SEMA3E: variants seen among roughly 807,000 people sequenced by gnomAD.
SEMA3E encodes semaphorin-3E.
A neutral mutation model predicts 93.6 loss-of-function variants in SEMA3E; 49 were observed. The observed-to-expected ratio is 0.52, with a 90% CI of 0.42 to 0.66. SEMA3E has a LOEUF of 0.66. Ranked by LOEUF, SEMA3E falls within the 30% of genes least tolerant of loss-of-function variation. The probability of loss-of-function intolerance (pLI) is 0.00; values close to 1 mark genes in which losing one functional copy is unlikely to be tolerated. For synonymous variants in SEMA3E, 363 were observed against 330.7 expected, an observed-to-expected ratio of 1.10 and a Z score of -1.06; for missense variants, 906 against 964.8, an observed-to-expected ratio of 0.94 and a Z score of 0.81.
chr7:83,558,269 T>C (rs1468621), intron 1 of SEMA3E, among the ~76,000 whole-genome samples: 18,116 of 152,252 alleles, frequency 0.12, 1,185 homozygotes, highest in East Asian at 0.2. Flanking sequence ...GCCACATTGC[T>C]GTGAGCAATG....
At chr7:83,500,714 T>C (rs947341994) in intron 1 of SEMA3E, among the ~76,000 whole-genome samples, 4 of 147,466 alleles carry the variant, frequency 2.7e-5, no homozygotes, top group Non-Finnish European at 6.0e-5. Context: ...TGCCTCAGCC[T>C]CCCAAGTAGC....
intron 16 of SEMA3E, among the ~76,000 whole-genome samples, chr7:83,370,493 C>G (rs1203909745): frequency 6.6e-6 from 1 of 152,104 alleles, no homozygotes; most frequent in Middle Eastern, 3.2e-3. Flanking sequence ...ATGTTAAATT[C>G]TCATACCTTA....
chr7:83,479,338 T>C (rs945301114), intron 2 of SEMA3E, among the ~76,000 whole-genome samples: 1 of 152,234 alleles, frequency 6.6e-6, no homozygotes, highest in Admixed American at 6.5e-5. Flanking sequence ...ACCTTTATTG[T>C]CTATTCAAAT....
intron 1 of SEMA3E, among the ~76,000 whole-genome samples, chr7:83,568,671 A>G (rs1239691947): frequency 6.6e-6 from 1 of 152,178 alleles, no homozygotes; most frequent in Non-Finnish European, 1.5e-5. Context: ...AAGATTCAAC[A>G]TTTCTTTGTG....
intron 1 of SEMA3E, among the ~76,000 whole-genome samples, chr7:83,549,069 A>G (rs1397160493): frequency 6.6e-6 from 1 of 152,100 alleles, no homozygotes; most frequent in African/African-American, 2.4e-5. Context: ...CAAAACAGAA[A>G]CTAATATCTC....
chr7:83,531,475 C>T (rs1380261510), intron 1 of SEMA3E, among the ~76,000 whole-genome samples: 1 of 148,730 alleles, frequency 6.7e-6, no homozygotes, highest in Non-Finnish European at 1.5e-5. Flanking sequence ...GCCTCTGGTT[C>T]CAGAGTAGCT....
chr7:83,549,281 C>T (rs951598587), intron 1 of SEMA3E, among the ~76,000 whole-genome samples: 5 of 152,108 alleles, frequency 3.3e-5, no homozygotes, highest in African/African-American at 1.2e-4. Context: ...CTACTCTTAT[C>T]TCTATTCAAG....
At chr7:83,549,791 A>T (rs1370775086) in intron 1 of SEMA3E, among the ~76,000 whole-genome samples, 2 of 151,866 alleles carry the variant, frequency 1.3e-5, no homozygotes, top group Non-Finnish European at 2.9e-5. Context: ...GTGCTTTTTC[A>T]TTTTTCCATA....
At chr7:83,519,440 C>A (rs1791000942) in intron 1 of SEMA3E, among the ~76,000 whole-genome samples, 2 of 152,126 alleles carry the variant, frequency 1.3e-5, no homozygotes, top group Admixed American at 6.6e-5. Context: ...GCTTCATTCT[C>A]TAGCATACTG....
In SEMA3E at chr7:83,648,569, C is replaced by T. The variant is rs749661816; in HGVS notation, c.-27G>A. On this transcript the variant is annotated 5_prime_UTR_variant, in exon 1 of 17. Transcript: ENST00000643230. ...CTGCCGTGTTCACCGTCCAAGCCCT[C>T]GCTCCTCACTTTAAGGAGGGTCTGA... is the stretch of plus-strand genomic sequence containing the variant. The T allele has an allele frequency of 1.6e-5, 25 of 1,556,328 alleles. No homozygotes were observed. Among genetic ancestry groups the T allele is most frequent in the Non-Finnish European group, 2.2e-5 (25 of 1,128,404 alleles).
chr7:83,454,271 A>AT (rs1789432658), intron 4 of SEMA3E, among the ~76,000 whole-genome samples: 229 of 102,730 alleles, frequency 2.2e-3, no homozygotes, highest in African/African-American at 8.2e-3. Flanking sequence ...AAAAAAAAAA[A>AT]AATATATATA....
At chr7:83,570,258 A>T (rs914346278) in intron 1 of SEMA3E, among the ~76,000 whole-genome samples, 8 of 152,188 alleles carry the variant, frequency 5.3e-5, no homozygotes, top group African/African-American at 1.7e-4. Context: ...AAATACCTTC[A>T]TCAAGAAGTT....
chr7:83,365,506 A>G lies in SEMA3E; in HGVS notation c.*2080T>C, dbSNP rs1794653589. ...ATGTAAAATGTTTCTTTTCTGGTTA[A>G]TAGTCACTTTATTTTAATCAAACGC... On this transcript the variant is annotated 3_prime_UTR_variant, in exon 17 of 17. Transcript: ENST00000643230. 1 of 152,072 alleles carries G rather than the reference A, an allele frequency of 6.6e-6. No individual in the cohort carries two copies. The highest frequency in any genetic ancestry group is 1.5e-5 in the Non-Finnish European group (1 of 67,996). The allele number at this position is 152,072 out of a possible 1,614,324, so 9.4% of individuals were successfully genotyped here. A position where few individuals can be genotyped will look rare whatever the true frequency, so the allele number is the denominator to read the frequency against.
intron 1 of SEMA3E, chr7:83,612,751 C>T (rs1793290525): frequency 6.6e-6 from 1 of 152,136 alleles, no homozygotes; most frequent in Non-Finnish European, 1.5e-5. Context: ...CAAGCCCACA[C>T]TTGCCCTTGG....
At chr7:83,482,611 A>T (rs1385417033) in intron 2 of SEMA3E, among the ~76,000 whole-genome samples, 2 of 151,604 alleles carry the variant, frequency 1.3e-5, no homozygotes, top group Non-Finnish European at 2.9e-5. Context: ...CAGACAGTGA[A>T]GAGAACAGAT....
chr7:83,648,624 G>T lies in SEMA3E; in HGVS notation c.-82C>A. ...TACTTAGGACTTCCCTCCAGGGGCAGCGTGCGAGAGGCTTTGTCAGAAATC... is the reference window on the plus strand; with the variant it reads ...TACTTAGGACTTCCCTCCAGGGGCATCGTGCGAGAGGCTTTGTCAGAAATC... On this transcript the variant is annotated 5_prime_UTR_variant, in exon 1 of 17. It adds an upstream start codon to the 5' untranslated region. Transcript: ENST00000643230. The T allele has an allele frequency of 1.0e-6, 1 of 984,630 alleles. No individual in the cohort carries two copies. The highest frequency in any genetic ancestry group is 1.9e-5 in the Admixed American group (1 of 51,366). 61.0% of individuals were successfully genotyped at this position (984,630 alleles called of 1,614,324 possible).
At position 83,385,424 on chromosome 7, in the gene SEMA3E, A is replaced by G. The variant is rs375687801; in HGVS notation, c.1745T>C (p.Leu582Ser). Residue 582 changes from leucine (L) to serine (S), a missense_variant, in exon 16 of 17, where the codon TTG becomes TCG. Leu to Ser is a moderately radical substitution (Grantham distance 145, BLOSUM62 -2). Coordinates refer to ENST00000643230, the MANE Select transcript of SEMA3E (RefSeq NM_012431.3). ...AGCCAGATGTTCTTCAGTCTTATCC[A>G]AAGCATCCCCTACAACAGGAACATT... Reference protein sequence around the residue: ...CFGQQFVGDALDKTEEHLAYG... With the variant: ...CFGQQFVGDASDKTEEHLAYG... The G allele has an allele frequency of 1.1e-5, 18 of 1,613,366 alleles. No homozygotes were observed. The South Asian group carries it at 1.5e-4, about 14-fold the overall frequency.
chr7:83,492,512 T>C (rs771706832), intron 1 of SEMA3E, among the ~76,000 whole-genome samples: 1 of 152,018 alleles, frequency 6.6e-6, no homozygotes, highest in Non-Finnish European at 1.5e-5. Flanking sequence ...TATTGAATCA[T>C]CAATCTTATT....
intron 1 of SEMA3E, among the ~76,000 whole-genome samples, chr7:83,562,736 G>A (rs990395406): frequency 6.6e-6 from 1 of 152,022 alleles, no homozygotes; most frequent in East Asian, 1.9e-4. Flanking sequence ...TTATTCCAGG[G>A]AAATAAGTCT....
Sources: gnomAD v4.1 joint callset for allele counts (sites outside exome capture counted in the v4.1 genomes callset) on GRCh38, gnomAD v4.1.1 for gene constraint, MANE v1.5 for transcripts, NCBI Gene and HGNC (gene_info 2026-07-23, HGNC 2026-07-21) for gene names.